MOB3A: variants seen among roughly 807,000 people sequenced by gnomAD.
MOB3A encodes MOB kinase activator 3A, also known as MOB LAK.
MOB3A carries 17 observed loss-of-function variants against 17.8 expected under a neutral mutation model. The ratio of observed to expected loss-of-function variants is 0.95; its 90% CI spans 0.65 to 1.43. The LOEUF is 1.43. Ranked by LOEUF, MOB3A falls within the 40% of genes most tolerant of loss-of-function variation. The probability of loss-of-function intolerance (pLI) is 0.00; values close to 1 mark genes in which losing one functional copy is unlikely to be tolerated. For missense variants in MOB3A, 333 were observed against 310.8 expected (o/e 1.07, Z -0.54); for synonymous variants, 124 against 133.2 (o/e 0.93, Z 0.48).
chr19:2,090,107 C>G (rs1297052996), intron 1 of MOB3A: 1 of 152,308 alleles, frequency 6.6e-6, no homozygotes, highest in Non-Finnish European at 1.5e-5. Flanking sequence ...AGTCCGCATC[C>G]CCAGAGCTCC....
intron 4 of MOB3A, among the ~76,000 whole-genome samples, chr19:2,075,765 C>T (rs1324622959): frequency 1.3e-5 from 2 of 152,054 alleles, no homozygotes; most frequent in African/African-American, 4.8e-5. Flanking sequence ...CCCGATAAAA[C>T]CTGGTAACGT....
At chr19:2,092,081 G>GTT (rs2017619864) in intron 1 of MOB3A, among the ~76,000 whole-genome samples, 1 of 134,832 alleles carries the variant, frequency 7.4e-6, no homozygotes, top group African/African-American at 2.8e-5. Flanking sequence ...TGGAAGGAAA[G>GTT]GTTTTTTTTT....
rs1200392453 is a variant in MOB3A, at chr19:2,093,657, C to G, written c.-274+2569G>C. 6.6e-6 allele frequency among the ~76,000 whole-genome samples: 1 copy of G among 152,106 alleles called. No homozygotes were observed. The highest frequency in any genetic ancestry group is 1.9e-4 in the East Asian group (1 of 5,200). On this transcript the variant is annotated intron_variant, in intron 1 of 4. Coordinates refer to ENST00000357066, the MANE Select transcript of MOB3A (RefSeq NM_130807.3). This position sits in a 1 kb window ranked among gnomAD's most constrained non-coding sequence, Gnocchi z 4.6. ...CCACCCGCACCTGGCCAGCACATCCCAATTCGGACCAGCCACATTGCAAGG... is the reference window on the plus strand; with the variant it reads ...CCACCCGCACCTGGCCAGCACATCCGAATTCGGACCAGCCACATTGCAAGG...
intron 1 of MOB3A, among the ~76,000 whole-genome samples, chr19:2,086,938 C>T (rs1000854334): frequency 6.6e-5 from 10 of 152,204 alleles, no homozygotes; most frequent in African/African-American, 1.4e-4. Flanking sequence ...ACTACAGGCA[C>T]ACAACACCAC....
chr19:2,073,097 G>T lies in MOB3A; in HGVS notation c.*298C>A, dbSNP rs2017359324. ...AAGGAGTGACCCTGGAAGCCATCCA[G>T]CCTCCTGGAAAGTGGAAGTGGTTTA... On this transcript the variant is annotated 3_prime_UTR_variant, in exon 5 of 5. Coordinates refer to ENST00000357066, the MANE Select transcript of MOB3A (RefSeq NM_130807.3). 2 of 494,622 alleles carry T rather than the reference G, an allele frequency of 4.0e-6. No homozygotes were observed. Among genetic ancestry groups the T allele is most frequent in the Admixed American group, 7.2e-5 (2 of 27,800 alleles). The allele number at this position is 494,622 out of a possible 1,614,324, so 30.6% of individuals were successfully genotyped here.
chr19:2,076,718 C>G (rs781472413), intron 4 of MOB3A, 93 bp downstream of exon 4: 54 of 1,354,704 alleles, frequency 4.0e-5, no homozygotes, highest in Non-Finnish European at 5.5e-5. Context: ...GGGCCGACCG[C>G]AAGCAGTCAG....
chr19:2,095,485 G>GC (rs1053744903), intron 1 of MOB3A, among the ~76,000 whole-genome samples: 8 of 152,224 alleles, frequency 5.3e-5, no homozygotes, highest in Admixed American at 1.3e-4. Flanking sequence ...CCCGACCGCC[G>GC]CGTTGGCTTG....
chr19:2,085,439 C>A (rs113329540), intron 1 of MOB3A, 111 bp from the exon 2 acceptor site: 2 of 151,838 alleles, frequency 1.3e-5, no homozygotes, highest in African/African-American at 4.8e-5. Context: ...ACCCCTCCCC[C>A]ACCGAGGTGT....
chr19:2,077,016 G>A lies in MOB3A; in HGVS notation c.422-3C>T, dbSNP rs994718390. On this transcript the variant is annotated splice_region_variant and splice_polypyrimidine_tract_variant and intron_variant, in intron 3 of 4. Transcript: ENST00000357066. ...GAAGTTCTTGGGAAACGGAGTGCCT[G>A]CAGGGAGAGGGGTGGGACGGGTCCA... 3.1e-6 allele frequency: 5 copies of A among 1,611,960 alleles called. No individual in the cohort carries two copies. The highest frequency in any genetic ancestry group is 4.2e-6 in the Non-Finnish European group (5 of 1,179,434).
chr19:2,095,732 T>C (rs1476489296), intron 1 of MOB3A, among the ~76,000 whole-genome samples: 11 of 151,114 alleles, frequency 7.3e-5, no homozygotes, highest in Admixed American at 7.2e-4. Context: ...GAGTTCGCCC[T>C]TCCTTTTTTC....
intron 1 of MOB3A, among the ~76,000 whole-genome samples, chr19:2,087,643 A>T (rs2017568628): frequency 6.6e-6 from 1 of 152,210 alleles, no homozygotes; most frequent in East Asian, 1.9e-4. Flanking sequence ...GGACAAAGTA[A>T]GACCCTGTCT....
rs949468780 is a variant in MOB3A at position 2,082,775 on chromosome 19, G to A, written c.-120+2400C>T. Among the ~76,000 whole-genome samples, 6 of 152,078 alleles carry A rather than the reference G, an allele frequency of 3.9e-5. No homozygotes were observed. The highest frequency in any genetic ancestry group is 6.6e-5 in the Admixed American group (1 of 15,254). The stretch of plus-strand genomic sequence containing the variant: ...ACCCATCTTGGTTTTGCTCGGCGGG[G>A]CACAACCCCAGGGTCACCACACAGG... On this transcript the variant is annotated intron_variant, in intron 2 of 4. Coordinates refer to ENST00000357066, the MANE Select transcript of MOB3A (RefSeq NM_130807.3). The surrounding 1 kb of genome is among the most constrained non-coding windows in gnomAD (Gnocchi z 4.1).
intron 2 of MOB3A, among the ~76,000 whole-genome samples, chr19:2,080,465 C>G (rs1246185284): frequency 6.6e-6 from 1 of 152,044 alleles, no homozygotes; most frequent in Non-Finnish European, 1.5e-5. Context: ...GCAGCCTCCA[C>G]CTCCCGGGTT....
At chr19:2,075,692 G>A (rs1479432289) in intron 4 of MOB3A, among the ~76,000 whole-genome samples, 2 of 152,242 alleles carry the variant, frequency 1.3e-5, no homozygotes, top group African/African-American at 4.8e-5. Context: ...CCAATTTCAA[G>A]AAGCAACATT....
At chr19:2,081,825 A>C (rs1478776506) in intron 2 of MOB3A, among the ~76,000 whole-genome samples, 3 of 152,196 alleles carry the variant, frequency 2.0e-5, no homozygotes, top group Admixed American at 2.0e-4. Context: ...CAGAGGTTGC[A>C]GTGAGCCAAG....
In MOB3A at chr19:2,073,157, C is replaced by G. The variant is rs2017359860; in HGVS notation, c.*238G>C. ...TGGGCTTTTCCGGTTGCTAGTAACA[C>G]ATAGAATTACAGAGTTCACGTTTTA... On this transcript the variant is annotated 3_prime_UTR_variant, in exon 5 of 5. Coordinates refer to ENST00000357066, the MANE Select transcript of MOB3A (RefSeq NM_130807.3). 1 of 578,178 alleles carries G rather than the reference C, an allele frequency of 1.7e-6. No individual in the cohort carries two copies. Among genetic ancestry groups the G allele is most frequent in the South Asian group, 2.2e-5 (1 of 45,716 alleles). The allele number at this position is 578,178 out of a possible 1,614,324, so 35.8% of individuals were successfully genotyped here.
intron 4 of MOB3A, among the ~76,000 whole-genome samples, chr19:2,075,820 T>C (rs2017397857): frequency 6.6e-6 from 1 of 152,102 alleles, no homozygotes; most frequent in South Asian, 2.1e-4. Context: ...CCCGGCTGGC[T>C]ACAGAAGTCG....
At position 2,078,482 on chromosome 19, in the gene MOB3A, G is replaced by A. The variant is rs1470129890; in HGVS notation, c.79C>T (p.Gln27Ter). 2 of 1,610,150 alleles carry A rather than the reference G, an allele frequency of 1.2e-6. No individual in the cohort carries two copies. Among genetic ancestry groups the A allele is most frequent in the Non-Finnish European group, 1.7e-6 (2 of 1,177,016 alleles). Residue 27 changes from glutamine to a stop codon, truncating the protein, a stop_gained, in exon 3 of 5, where the codon CAG (glutamine) becomes TAG (stop). Coordinates refer to ENST00000357066, the MANE Select transcript of MOB3A (RefSeq NM_130807.3). LOFTEE classifies it high-confidence loss of function. ...GCCTTCTTGTGCAGCTCGAAGCGCTGGGTGCCTGGCTCAAACTTGCGCTTG... is the reference window on the plus strand; with the variant it reads ...GCCTTCTTGTGCAGCTCGAAGCGCTAGGTGCCTGGCTCAAACTTGCGCTTG... Reference protein sequence around the residue: ...RPKRKFEPGTQRFELHKKAQA... With the variant: ...RPKRKFEPGT
At chr19:2,084,084 T>C (rs1568254856) in intron 2 of MOB3A, 1 of 468,756 alleles carries the variant, frequency 2.1e-6, no homozygotes, top group East Asian at 6.4e-5. Context: ...GGCTTATCTT[T>C]GTCTATATCC....
Sources: gnomAD v4.1 joint callset for allele counts (sites outside exome capture counted in the v4.1 genomes callset) on GRCh38, gnomAD v4.1.1 for gene constraint, Gnocchi (gnomAD v3.1) non-coding constraint, MANE v1.5 for transcripts, NCBI Gene and HGNC (gene_info 2026-07-23, HGNC 2026-07-21) for gene names.